SLC4A7: variants seen among roughly 807,000 people sequenced by gnomAD.
The protein encoded by SLC4A7 is sodium bicarbonate cotransporter 3.
A neutral mutation model predicts 137.6 loss-of-function variants in SLC4A7; 51 were observed. The observed-to-expected ratio is 0.37, with a 90% CI of 0.30 to 0.47. The LOEUF (loss-of-function observed/expected upper bound fraction) is 0.47, where lower values mean the gene tolerates loss of function less well. SLC4A7 is among the 20% of genes least tolerant of loss of function. The probability of loss-of-function intolerance (pLI) is 1.00; values close to 1 mark genes in which losing one functional copy is unlikely to be tolerated. For missense variants in SLC4A7, 1,247 were observed against 1,525.4 expected (o/e 0.82, Z 3.04); for synonymous variants, 542 against 518.6 (o/e 1.05, Z -0.61).
chr3:27,446,637 C>A (rs562732914), intron 3 of SLC4A7, among the ~76,000 whole-genome samples: 1 of 152,136 alleles, frequency 6.6e-6, no homozygotes, highest in Admixed American at 6.5e-5. Flanking sequence ...GCATACTGAT[C>A]CATTTACTCA....
chr3:27,452,102 C>T (rs920065286), intron 2 of SLC4A7, among the ~76,000 whole-genome samples: 1 of 152,050 alleles, frequency 6.6e-6, no homozygotes, highest in Admixed American at 6.6e-5. Flanking sequence ...TAGTCTGGCA[C>T]TCTAGTGTAC....
At chr3:27,448,973 C>T (rs2057874552) in intron 2 of SLC4A7, among the ~76,000 whole-genome samples, 176 bp from the exon 3 acceptor site, 1 of 152,168 alleles carries the variant, frequency 6.6e-6, no homozygotes, top group Admixed American at 6.5e-5. Flanking sequence ...GTGCCCAGGG[C>T]TAATATCACT....
chr3:27,456,849 T>A, intron 1 of SLC4A7: 1 of 1,381,714 alleles, frequency 7.2e-7, no homozygotes, highest in South Asian at 1.8e-5. Context: ...AGTTACCTAA[T>A]CTTCCAAGCT....
At chr3:27,381,140 G>GA (rs1263330344) in intron 24 of SLC4A7, among the ~76,000 whole-genome samples, 2 of 152,072 alleles carry the variant, frequency 1.3e-5, no homozygotes, top group African/African-American at 4.8e-5. Flanking sequence ...ATTCCTGATG[G>GA]AAAAAACTTT....
At chr3:27,409,961 C>T (rs73822001) in intron 12 of SLC4A7, among the ~76,000 whole-genome samples, 4,679 of 152,224 alleles carry the variant, frequency 0.031, 250 homozygotes, top group African/African-American at 0.11. Flanking sequence ...TCCAAATACA[C>T]TTTAATATAA....
At chr3:27,422,694 A>C in intron 8 of SLC4A7, 1 of 428,162 alleles carries the variant, frequency 2.3e-6, no homozygotes, top group Admixed American at 2.6e-5. Context: ...ATACCAAATT[A>C]TGTGAACTTC....
intron 11 of SLC4A7, among the ~76,000 whole-genome samples, chr3:27,412,520 T>A (rs1263354092): frequency 6.6e-6 from 1 of 152,196 alleles, no homozygotes; most frequent in Non-Finnish European, 1.5e-5. Context: ...CTGGTTTACA[T>A]GCTCCATATT....
chr3:27,437,679 A>G (rs930095879), intron 3 of SLC4A7, among the ~76,000 whole-genome samples, 153 bp from the exon 4 acceptor site: 1 of 152,158 alleles, frequency 6.6e-6, no homozygotes, highest in Non-Finnish European at 1.5e-5. Context: ...ACAATTCTGA[A>G]AGGAAACAAG....
At chr3:27,418,423 C>A (rs1000351013) in intron 11 of SLC4A7, 63 bp downstream of exon 11, 4 of 1,393,828 alleles carry the variant, frequency 2.9e-6, no homozygotes, top group South Asian at 1.3e-5. Context: ...TTGAATCACA[C>A]CTAATCAAAA....
rs1429636319 is a variant in SLC4A7 at position 27,484,174 on chromosome 3, G to A, written c.-48C>T. The A allele has an allele frequency of 2.4e-6, 3 of 1,249,866 alleles. No homozygotes were observed. The highest frequency in any genetic ancestry group is 6.6e-5 in the East Asian group (2 of 30,460). 77.4% of individuals were successfully genotyped at this position (1,249,866 alleles called of 1,614,324 possible). A position where few individuals can be genotyped will look rare whatever the true frequency, so the allele number is the denominator to read the frequency against. ...GGCCGCTACGGTACTGCCCCGCGCG[G>A]TCTGCCTGCTTCTGCCGCTGCCCCT... On this transcript the variant is annotated 5_prime_UTR_variant, in exon 1 of 26. Coordinates refer to ENST00000454389, the MANE Select transcript of SLC4A7 (RefSeq NM_001321103.2).
intron 14 of SLC4A7, among the ~76,000 whole-genome samples, chr3:27,403,778 C>T (rs546811762): frequency 9.2e-5 from 14 of 152,168 alleles, no homozygotes; most frequent in African/African-American, 2.6e-4. Context: ...AAGATCCAGA[C>T]ATCATATGTA....
intron 1 of SLC4A7, among the ~76,000 whole-genome samples, chr3:27,464,148 T>A (rs2058847934): frequency 1.3e-5 from 2 of 152,188 alleles, no homozygotes; most frequent in Admixed American, 1.3e-4. Context: ...CACTCCAGCC[T>A]GGGAGCAAGA....
At chr3:27,438,286 C>G (rs2056902475) in intron 3 of SLC4A7, among the ~76,000 whole-genome samples, 2 of 150,630 alleles carry the variant, frequency 1.3e-5, no homozygotes, top group Non-Finnish European at 2.9e-5. Flanking sequence ...GCGGTTGGAT[C>G]ATGAGGTCAG....
intron 3 of SLC4A7, among the ~76,000 whole-genome samples, chr3:27,444,425 G>T (rs1277840711): frequency 6.6e-6 from 1 of 152,036 alleles, no homozygotes; most frequent in Non-Finnish European, 1.5e-5. Context: ...TCCTTTCTGG[G>T]ATTCCGCTCA....
chr3:27,470,068 C>T (rs2059171400), intron 1 of SLC4A7, among the ~76,000 whole-genome samples: 1 of 152,120 alleles, frequency 6.6e-6, no homozygotes. Context: ...TCTTATCTTT[C>T]TTCTTATAAA....
At chr3:27,477,991 C>T (rs73151878) in intron 1 of SLC4A7, among the ~76,000 whole-genome samples, 1 of 152,160 alleles carries the variant, frequency 6.6e-6, no homozygotes, top group African/African-American at 2.4e-5. Context: ...TGTGAATCTA[C>T]TGTCAAAAGT....
intron 20 of SLC4A7, among the ~76,000 whole-genome samples, chr3:27,393,083 T>C (rs17630832): frequency 0.067 from 10,159 of 151,708 alleles, 429 homozygotes; most frequent in Non-Finnish European, 0.1. Flanking sequence ...ACAGAGACAA[T>C]AGACGAAAAG....
intron 1 of SLC4A7, among the ~76,000 whole-genome samples, chr3:27,465,447 G>T (rs597347): frequency 0.93 from 137,918 of 148,932 alleles, 63,929 homozygotes; most frequent in East Asian, 1. Context: ...ATTTTCCCAT[G>T]TTCTAAAACT....
intron 1 of SLC4A7, among the ~76,000 whole-genome samples, chr3:27,473,763 T>G (rs2150719951): frequency 6.9e-6 from 1 of 145,796 alleles, no homozygotes; most frequent in Middle Eastern, 3.7e-3. Context: ...TAAAATTCAA[T>G]GCTACATAGT....
Sources: allele counts gnomAD v4.1 joint callset (sites outside exome capture counted in the v4.1 genomes callset), GRCh38; gene constraint gnomAD v4.1.1; transcripts MANE v1.5; gene names NCBI Gene and HGNC (gene_info 2026-07-23, HGNC 2026-07-21).